The following ATP8A2 variants were observed in gnomAD, a reference collection of about 807,000 sequenced individuals.
ATP8A2 encodes the protein ATPase phospholipid transporting 8A2.
ATP8A2 carries 100 observed loss-of-function variants against 165.6 expected under a neutral mutation model. The ratio of observed to expected loss-of-function variants is 0.60; its 90% CI spans 0.51 to 0.71. ATP8A2 has a LOEUF of 0.71. Ranked by LOEUF, ATP8A2 falls within the 30% of genes least tolerant of loss-of-function variation. ATP8A2 has a pLI of 0.00. For synonymous variants in ATP8A2, 543 were observed against 548.8 expected (o/e 0.99, Z 0.15); for missense variants, 1,227 against 1,479.5 (o/e 0.83, Z 2.80).
Position 25,953,522 on chromosome 13 carries a change from TAAAAAAA to T in ATP8A2, c.3184-8035_3184-8029del, listed in dbSNP as rs374397075. ...GTAGCCCTGGTTACTCCAGCCTTTT[TAAAAAAA>T]AAAAAAAAAAAAAAAAAGCAAGGGA... On this transcript the variant is annotated intron_variant, in intron 33 of 36. Coordinates refer to ENST00000381655, the MANE Select transcript of ATP8A2 (RefSeq NM_016529.6). The surrounding 1 kb of genome is among the most constrained non-coding windows in gnomAD (Gnocchi z 6.7). Among the ~76,000 whole-genome samples the T allele has an allele frequency of 2.1e-5, 2 of 94,960 alleles. No homozygotes were observed. Among genetic ancestry groups the T allele is most frequent in the African/African-American group, 8.6e-5 (2 of 23,330 alleles). The allele number at this position is 94,960 out of a possible 152,430, so 62.3% of individuals were successfully genotyped here. A position where few individuals can be genotyped will look rare whatever the true frequency, so the allele number is the denominator to read the frequency against.
chr13:25,468,714 TCTCCCGGGGCGGGG>T, intron 1 of ATP8A2: 1 of 482,102 alleles, frequency 2.1e-6, no homozygotes, highest in Non-Finnish European at 2.7e-6. Flanking sequence ...TGGGGGCGGC[TCTCCCGGGGCGGGG>T]CTCGCTCCAC....
At chr13:25,526,340 C>A (rs770727092) in intron 2 of ATP8A2, among the ~76,000 whole-genome samples, 1 of 152,078 alleles carries the variant, frequency 6.6e-6, no homozygotes, top group Non-Finnish European at 1.5e-5. Flanking sequence ...TCATGGTTCC[C>A]TGTTTGCTGC....
intron 22 of ATP8A2, 147 bp downstream of exon 22, chr13:25,580,094 T>A: frequency 1.0e-6 from 1 of 990,478 alleles, no homozygotes; most frequent in South Asian, 2.1e-5. Flanking sequence ...TCATTTTCTT[T>A]GCTTTAAGAA....
chr13:25,604,854 G>A (rs2040476628), intron 24 of ATP8A2, among the ~76,000 whole-genome samples: 1 of 152,116 alleles, frequency 6.6e-6, no homozygotes, highest in African/African-American at 2.4e-5. Context: ...TTTGGAAGGG[G>A]TGGAACTCAA....
At chr13:25,465,682 T>G (rs1019355116) in intron 1 of ATP8A2, among the ~76,000 whole-genome samples, 2 of 11,986 alleles carry the variant, frequency 1.7e-4, no homozygotes, top group African/African-American at 4.1e-4. Flanking sequence ...TTTCTTTCTT[T>G]CTTTCTTTCT....
intron 35 of ATP8A2, among the ~76,000 whole-genome samples, chr13:26,003,263 T>C (rs1158035290): frequency 2.6e-5 from 4 of 152,086 alleles, no homozygotes; most frequent in Non-Finnish European, 5.9e-5. Flanking sequence ...TGATTTTAAC[T>C]GGCCTTTCTC....
intron 33 of ATP8A2, among the ~76,000 whole-genome samples, chr13:25,937,277 A>G (rs1954918019): frequency 6.6e-6 from 1 of 151,590 alleles, no homozygotes; most frequent in Admixed American, 6.6e-5. Flanking sequence ...TCTGTGAACC[A>G]AAATCTCAAG....
At chr13:25,900,810 GGTATTA>G (rs1448974830) in intron 33 of ATP8A2, among the ~76,000 whole-genome samples, 2 of 152,182 alleles carry the variant, frequency 1.3e-5, no homozygotes, top group Admixed American at 6.5e-5. Flanking sequence ...GGGGTGGGAA[GGTATTA>G]GCGCTGTTGA....
At chr13:25,964,656 C>A (rs902165558) in intron 34 of ATP8A2, among the ~76,000 whole-genome samples, 2 of 152,144 alleles carry the variant, frequency 1.3e-5, no homozygotes, top group Non-Finnish European at 2.9e-5. Context: ...TACTGAGGCA[C>A]GATATCTGTG....
chr13:25,387,267 C>G (rs2033089173), intron 1 of ATP8A2, among the ~76,000 whole-genome samples: 1 of 152,158 alleles, frequency 6.6e-6, no homozygotes, highest in African/African-American at 2.4e-5. Flanking sequence ...TGGGTCTGTG[C>G]TGCAGGGTCT....
At chr13:25,798,009 T>G (rs1950531601) in intron 27 of ATP8A2, among the ~76,000 whole-genome samples, 1 of 152,210 alleles carries the variant, frequency 6.6e-6, no homozygotes, top group Non-Finnish European at 1.5e-5. Flanking sequence ...TTGATCTATA[T>G]CCAATGGGAA....
intron 24 of ATP8A2, among the ~76,000 whole-genome samples, chr13:25,648,368 T>C (rs2041729205): frequency 6.6e-6 from 1 of 152,150 alleles, no homozygotes; most frequent in Non-Finnish European, 1.5e-5. Context: ...AAGTCTCTTC[T>C]ATAAAATGGT....
In ATP8A2 at chr13:25,904,150, T is replaced by G. The variant is rs182013529; in HGVS notation, c.3183+41742T>G. Among the ~76,000 whole-genome samples the G allele has an allele frequency of 5.4e-3, 826 of 152,342 alleles. 6 individuals are homozygous for G. Among genetic ancestry groups the G allele is most frequent in the African/African-American group, 0.018 (737 of 41,574 alleles). On this transcript the variant is annotated intron_variant, in intron 33 of 36. Coordinates refer to ENST00000381655, the MANE Select transcript of ATP8A2 (RefSeq NM_016529.6). The stretch of plus-strand genomic sequence containing the variant: ...AAAGTGCTCTAGCAAGCGTTTCCTC[T>G]GAGCGTCATAGCACACTCAAAAAGT...
chr13:25,581,450 C>A (rs1247717808), intron 22 of ATP8A2, among the ~76,000 whole-genome samples: 9 of 152,142 alleles, frequency 5.9e-5, no homozygotes, highest in African/African-American at 2.2e-4. Context: ...AGAATTAGTT[C>A]TCCTCCTTTG....
intron 35 of ATP8A2, among the ~76,000 whole-genome samples, chr13:25,971,066 G>A (rs963337421): frequency 2.6e-5 from 4 of 152,180 alleles, no homozygotes; most frequent in South Asian, 4.1e-4. Context: ...GCATACTCCC[G>A]TTTGGTTGCA....
In ATP8A2 at chr13:25,797,123, CT is replaced by C. The variant is rs370312200; in HGVS notation, c.2679+22165del. On this transcript the variant is annotated intron_variant, in intron 27 of 36. Transcript: ENST00000381655. Reference sequence around the variant, plus strand: ...TCTCTACTAAAAATACAAAAATTAGCTGGGCATGGTGGCACACACCTGTAAT... The same window carrying C: ...TCTCTACTAAAAATACAAAAATTAGCGGGCATGGTGGCACACACCTGTAAT... 8.0e-4 allele frequency among the ~76,000 whole-genome samples: 122 copies of C among 152,224 alleles called. 1 individual carries two copies. Among genetic ancestry groups the C allele is most frequent in the South Asian group, 3.1e-3 (15 of 4,818 alleles).
chr13:25,509,110 G>A (rs2037140155), intron 2 of ATP8A2, among the ~76,000 whole-genome samples: 1 of 152,178 alleles, frequency 6.6e-6, no homozygotes, highest in Non-Finnish European at 1.5e-5. Context: ...TGCATCTGAG[G>A]TTATGATATG....
intron 24 of ATP8A2, among the ~76,000 whole-genome samples, chr13:25,605,599 G>T (rs1268071274): frequency 6.6e-6 from 1 of 152,096 alleles, no homozygotes; most frequent in Non-Finnish European, 1.5e-5. Flanking sequence ...ATATATGCCT[G>T]TGTGTATATT....
chr13:25,477,795 G>A (rs1295180614), intron 2 of ATP8A2, among the ~76,000 whole-genome samples: 1 of 152,124 alleles, frequency 6.6e-6, no homozygotes, highest in Non-Finnish European at 1.5e-5. Flanking sequence ...AAATTAGCCA[G>A]GCACGGTGGC....
Sources: allele counts gnomAD v4.1 joint callset (sites outside exome capture counted in the v4.1 genomes callset), GRCh38; gene constraint gnomAD v4.1.1; non-coding constraint Gnocchi (gnomAD v3.1); transcripts MANE v1.5; gene names NCBI Gene and HGNC (gene_info 2026-07-23, HGNC 2026-07-21).